SUMF1: variants seen among roughly 807,000 people sequenced by gnomAD.
SUMF1 encodes the protein formylglycine-generating enzyme.
In SUMF1, 48 loss-of-function variants were observed where a neutral mutation model predicts 47.6. The observed-to-expected ratio is 1.01, with a 90% CI of 0.80 to 1.28. The LOEUF is 1.28. Among genes scored for constraint, SUMF1 ranks in the 50% most tolerant of loss-of-function variants. The pLI is 0.00. For missense variants in SUMF1, 571 were observed against 485.4 expected, an observed-to-expected ratio of 1.18 and a Z score of -1.66; for synonymous variants, 230 against 192.1, an observed-to-expected ratio of 1.20 and a Z score of -1.63.
chr3:4,247,916 ATCTC>A (rs1307015329), intron 8 of SUMF1, among the ~76,000 whole-genome samples: 1 of 152,212 alleles, frequency 6.6e-6, no homozygotes, highest in Non-Finnish European at 1.5e-5. Context: ...TAGTCCCTTG[ATCTC>A]TCTGAGTCTC....
intron 8 of SUMF1, among the ~76,000 whole-genome samples, chr3:4,279,079 C>A (rs565297796): frequency 2.2e-4 from 33 of 152,108 alleles, no homozygotes; most frequent in Admixed American, 1.2e-3. Flanking sequence ...TTAAACAAAA[C>A]AAAACTTGAC....
intron 7 of SUMF1, among the ~76,000 whole-genome samples, chr3:4,404,674 G>A (rs543270542): frequency 6.6e-6 from 1 of 152,222 alleles, no homozygotes; most frequent in Non-Finnish European, 1.5e-5. Context: ...TGAGGCAGGA[G>A]AATCGCTTGA....
intron 9 of SUMF1, among the ~76,000 whole-genome samples, chr3:4,055,927 C>T (rs914220241): frequency 6.6e-6 from 1 of 152,148 alleles, no homozygotes; most frequent in African/African-American, 2.4e-5. Flanking sequence ...CATTCCTTGG[C>T]TCTTGACCAT....
intron 3 of SUMF1, among the ~76,000 whole-genome samples, chr3:4,437,984 A>G (rs1702456249): frequency 6.6e-6 from 1 of 152,020 alleles, no homozygotes; most frequent in Non-Finnish European, 1.5e-5. Context: ...GAAAAAAAGA[A>G]AAAGTATATA....
intron 8 of SUMF1, among the ~76,000 whole-genome samples, chr3:4,092,079 C>T (rs1692801094): frequency 6.6e-6 from 1 of 151,996 alleles, no homozygotes; most frequent in Non-Finnish European, 1.5e-5. Flanking sequence ...TTCTACTTGG[C>T]CTGATGTATT....
chr3:4,114,733 A>T (rs192941208), intron 8 of SUMF1, among the ~76,000 whole-genome samples: 1 of 152,274 alleles, frequency 6.6e-6, no homozygotes, highest in East Asian at 1.9e-4. Context: ...TACATAACAG[A>T]GAAGTATTTA....
chr3:4,278,430 A>G (rs987451315), intron 8 of SUMF1, among the ~76,000 whole-genome samples: 3 of 152,140 alleles, frequency 2.0e-5, no homozygotes, highest in African/African-American at 7.2e-5. Context: ...AGAAATTGTT[A>G]GAATTAACTA....
chr3:4,264,182 T>C (rs1236582723), intron 8 of SUMF1, among the ~76,000 whole-genome samples: 1 of 152,074 alleles, frequency 6.6e-6, no homozygotes, highest in Non-Finnish European at 1.5e-5. Context: ...GAGTTAAAAA[T>C]AAAGCTCCCA....
intron 8 of SUMF1, among the ~76,000 whole-genome samples, chr3:4,308,738 GTTT>G (rs879407403): frequency 1.1e-3 from 162 of 152,328 alleles, no homozygotes; most frequent in South Asian, 2.3e-3. Flanking sequence ...TAGTCACAGA[GTTT>G]TCCTGCCTGG....
At chr3:4,091,096 C>CAAA (rs796472100) in intron 8 of SUMF1, among the ~76,000 whole-genome samples, 40 of 137,094 alleles carry the variant, frequency 2.9e-4, no homozygotes, top group African/African-American at 1.1e-3. Flanking sequence ...ACAACAACAA[C>CAAA]AAAAAAAAAA....
At chr3:4,466,906 G>A in intron 1 of SUMF1, 70 bp downstream of exon 1, 2 of 1,565,564 alleles carry the variant, frequency 1.3e-6, no homozygotes, top group Non-Finnish European at 8.7e-7. Context: ...CTAGTGCCTT[G>A]CTTTGCCTAC....
intron 8 of SUMF1, among the ~76,000 whole-genome samples, chr3:4,083,839 C>CA (rs68132287): frequency 0.046 from 4,406 of 95,812 alleles, 113 homozygotes; most frequent in African/African-American, 0.085. Context: ...ACAGGCATGT[C>CA]AAAAAAAAAA....
chr3:4,396,803 AG>A (rs536060286), intron 7 of SUMF1, among the ~76,000 whole-genome samples: 16 of 152,318 alleles, frequency 1.1e-4, no homozygotes, highest in Non-Finnish European at 1.9e-4. Context: ...TAGAAAAAAG[AG>A]TGAGGCCCCA....
intron 8 of SUMF1, among the ~76,000 whole-genome samples, chr3:4,328,324 C>T (rs929701196): frequency 6.6e-6 from 1 of 152,048 alleles, no homozygotes; most frequent in African/African-American, 2.4e-5. Context: ...GTTTCCCAAA[C>T]AATACAATCA....
At chr3:4,075,407 G>A (rs942424037) in intron 8 of SUMF1, among the ~76,000 whole-genome samples, 1 of 152,002 alleles carries the variant, frequency 6.6e-6, no homozygotes, top group Non-Finnish European at 1.5e-5. Flanking sequence ...AAAACTGAAA[G>A]CATTCCCTTG....
At chr3:4,174,007 T>A (rs1302847367) in intron 8 of SUMF1, among the ~76,000 whole-genome samples, 7 of 152,206 alleles carry the variant, frequency 4.6e-5, no homozygotes, top group Non-Finnish European at 8.8e-5. Context: ...TGCACATGTA[T>A]CTGCACATGA....
At chr3:4,263,829 C>A (rs1697135272) in intron 8 of SUMF1, among the ~76,000 whole-genome samples, 1 of 152,136 alleles carries the variant, frequency 6.6e-6, no homozygotes, top group South Asian at 2.1e-4. Context: ...GTGGGCAAGG[C>A]CATTTCTACA....
intron 8 of SUMF1, among the ~76,000 whole-genome samples, chr3:4,193,336 A>G (rs1281051328): frequency 3.3e-5 from 5 of 152,124 alleles, no homozygotes; most frequent in Non-Finnish European, 5.9e-5. Context: ...CCTTTATAAT[A>G]AGACTGTAAG....
At chr3:4,113,351 A>G (rs1287882578) in intron 8 of SUMF1, among the ~76,000 whole-genome samples, 1 of 151,968 alleles carries the variant, frequency 6.6e-6, no homozygotes, top group Admixed American at 6.6e-5. Context: ...ATATAGCAAG[A>G]CCTTGTCTCT....
Sources: allele counts gnomAD v4.1 joint callset (sites outside exome capture counted in the v4.1 genomes callset), GRCh38; gene constraint gnomAD v4.1.1; transcripts MANE v1.5; gene names NCBI Gene and HGNC (gene_info 2026-07-23, HGNC 2026-07-21).